The following KCNH4 variants were observed in gnomAD, a reference collection of about 807,000 sequenced individuals.
KCNH4 encodes potassium voltage-gated channel subfamily H member 4, also known as voltage-gated delayed rectifier potassium channel KCNH4.
A neutral mutation model predicts 90.7 loss-of-function variants in KCNH4; 33 were observed. The ratio of observed to expected loss-of-function variants is 0.36; its 90% confidence interval spans 0.28 to 0.49. The LOEUF (loss-of-function observed/expected upper bound fraction) is 0.49. Ranked by LOEUF, KCNH4 falls within the 20% of genes least tolerant of loss-of-function variation. The pLI is 0.98. For synonymous variants in KCNH4, 551 were observed against 581.7 expected, an observed-to-expected ratio of 0.95 and a Z score of 0.76; for missense variants, 1,044 against 1,387.1, an observed-to-expected ratio of 0.75 and a Z score of 3.93.
Position 42,163,685 on chromosome 17 carries a change from T to C in KCNH4, c.2398A>G (p.Arg800Gly). 3 of 1,478,362 alleles carry C rather than the reference T, an allele frequency of 2.0e-6. No homozygotes were observed. The highest frequency in any genetic ancestry group is 2.7e-6 in the Non-Finnish European group (3 of 1,115,664). The allele number at this position is 1,478,362 out of a possible 1,614,324, so 91.6% of individuals were successfully genotyped here. A position where few individuals can be genotyped will look rare whatever the true frequency, so the allele number is the denominator to read the frequency against. The change falls in exon 13 of 17, where the codon AGG becomes GGG. Residue 800 changes from arginine (R) to glycine (G), a missense_variant. Physicochemically the swap from Arg to Gly is moderately radical, Grantham distance 125. Coordinates refer to ENST00000264661, the MANE Select transcript of KCNH4 (RefSeq NM_012285.3). The surrounding 1 kb of genome is among the most constrained non-coding windows in gnomAD (Gnocchi z 5.4). ...GHSASPHGPP[R>G]CSAAWKPPQL... ...GGGGGCTTCCAGGCAGCAGAGCACC[T>C]GGGGGGGCCGTGAGGGGAGGCACTG...
At chr17:42,176,791 A>C (rs1310793021) in intron 4 of KCNH4, among the ~76,000 whole-genome samples, 1 of 151,668 alleles carries the variant, frequency 6.6e-6, no homozygotes, top group Admixed American at 6.6e-5. Context: ...CCAAAGTGCT[A>C]GGATTACAGG....
chr17:42,162,163 C>T, intron 15 of KCNH4, 85 bp downstream of exon 15: 6 of 1,195,724 alleles, frequency 5.0e-6, no homozygotes, highest in Middle Eastern at 3.9e-4. Flanking sequence ...CCAGGCTGGT[C>T]CCAAACTCCT....
Position 42,176,054 on chromosome 17 carries a change from C to T in KCNH4, c.829G>A (p.Asp277Asn). 1 of 1,600,638 alleles carries T rather than the reference C, an allele frequency of 6.2e-7. No individual in the cohort carries two copies. The highest frequency in any genetic ancestry group is 8.5e-7 in the Non-Finnish European group (1 of 1,171,254). Reference sequence around the variant, plus strand: ...GGGTGGGTGAGGCAGAAGGTCTGACCTAGGATGAAGAGCATTTCCACGGCG... The same window carrying T: ...GGGTGGGTGAGGCAGAAGGTCTGACTTAGGATGAAGAGCATTTCCACGGCG... Reference protein sequence around the residue: ...DIAVEMLFILDIILNFRTTYV... With the variant: ...DIAVEMLFILNIILNFRTTYV... Residue 277 changes from aspartate (D) to asparagine (N), a missense_variant and splice_region_variant, in exon 5 of 17, where the codon GAT (aspartate) becomes AAT (asparagine). Transcript: ENST00000264661.
intron 9 of KCNH4, among the ~76,000 whole-genome samples, chr17:42,168,428 G>A (rs1027605559): frequency 7.9e-5 from 12 of 152,140 alleles, no homozygotes; most frequent in African/African-American, 2.9e-4. Context: ...GGTGTATTAC[G>A]ATGTCAAGAG....
At chr17:42,174,082 C>T (rs1399407022) in intron 6 of KCNH4, among the ~76,000 whole-genome samples, 3 of 152,074 alleles carry the variant, frequency 2.0e-5, no homozygotes, top group Admixed American at 6.6e-5. Context: ...CTCATCCTCC[C>T]GAGTAGCTGG....
chr17:42,177,144 G>A (rs938559515), intron 4 of KCNH4, among the ~76,000 whole-genome samples: 8 of 152,038 alleles, frequency 5.3e-5, no homozygotes, highest in Non-Finnish European at 8.8e-5. Flanking sequence ...CCACCTCCCG[G>A]GTTCAAGTGA....
intron 8 of KCNH4, 133 bp from the exon 9 acceptor site, chr17:42,169,809 AG>A: frequency 1.1e-6 from 1 of 881,086 alleles, no homozygotes; most frequent in South Asian, 1.6e-5. Flanking sequence ...CACTAGACTA[AG>A]GGTGGGGAAT....
Position 42,180,949 on chromosome 17 carries a change from C to A in KCNH4, c.-4G>T. On this transcript the variant is annotated 5_prime_UTR_variant, in exon 1 of 17. Coordinates refer to ENST00000264661, the MANE Select transcript of KCNH4 (RefSeq NM_012285.3). This position sits in a 1 kb window ranked among gnomAD's most constrained non-coding sequence, Gnocchi z 4.7. ...GCAACCCCTTCATGACCGGCATGGC[C>A]CCGGGGCGTGGGTTCAAGGCGCGGC... 2 of 1,611,838 alleles carry A rather than the reference C, an allele frequency of 1.2e-6. No individual in the cohort carries two copies. The highest frequency in any genetic ancestry group is 8.5e-7 in the Non-Finnish European group (1 of 1,179,054).
At chr17:42,178,602 A>C in intron 2 of KCNH4, 125 bp from the exon 3 acceptor site, 3 of 1,304,066 alleles carry the variant, frequency 2.3e-6, no homozygotes, top group Non-Finnish European at 3.1e-6. Flanking sequence ...AAGGAACCTC[A>C]GAGATTCTGT....
At chr17:42,162,357 C>T (rs1236836922) in intron 14 of KCNH4, 36 bp from the exon 15 acceptor site, 3 of 1,571,334 alleles carry the variant, frequency 1.9e-6, no homozygotes, top group Non-Finnish European at 2.6e-6. Context: ...GTTCATGGAG[C>T]ATTAATACCT....
chr17:42,164,085 C>T lies in KCNH4; in HGVS notation c.2124+45G>A, dbSNP rs372927433. 3.6e-5 allele frequency: 55 copies of T among 1,545,574 alleles called. 1 individual carries two copies. In the African/African-American group the frequency reaches 6.0e-4, roughly 17 times the overall value. On this transcript the variant is annotated intron_variant, in intron 12 of 16. Transcript: ENST00000264661. ...AGGGGGATGCTGCTACCCATCTCAC[C>T]CTCTCCCCAGGGCAATTCAACCCCA... is the stretch of plus-strand genomic sequence containing the variant.
intron 6 of KCNH4, 47 bp from the exon 7 acceptor site, chr17:42,172,042 G>C: frequency 6.7e-7 from 1 of 1,494,276 alleles, no homozygotes; most frequent in Non-Finnish European, 9.1e-7. Flanking sequence ...CACCTCCTCC[G>C]AGCCCTCAGA....
chr17:42,175,452 G>T, intron 6 of KCNH4, 127 bp downstream of exon 6: 2 of 1,091,872 alleles, frequency 1.8e-6, no homozygotes, highest in Non-Finnish European at 2.8e-6. Context: ...CAGAGCAGGT[G>T]CCTGATAAAT....
intron 8 of KCNH4, 25 bp from the exon 9 acceptor site, chr17:42,169,701 CA>C: frequency 1.2e-6 from 2 of 1,608,472 alleles, no homozygotes; most frequent in Non-Finnish European, 1.7e-6. Context: ...GCGGGCCTGT[CA>C]GGGGCGGCCA....
In KCNH4 at chr17:42,163,371, G is replaced by A. The variant is rs1266299339; in HGVS notation, c.2478-37C>T. The A allele has an allele frequency of 4.1e-6, 6 of 1,479,100 alleles. No individual in the cohort carries two copies. Among genetic ancestry groups the A allele is most frequent in the Non-Finnish European group, 5.7e-6 (6 of 1,059,748 alleles). 91.6% of individuals were successfully genotyped at this position (1,479,100 alleles called of 1,614,324 possible). On this transcript the variant is annotated intron_variant, in intron 13 of 16. Coordinates refer to ENST00000264661, the MANE Select transcript of KCNH4 (RefSeq NM_012285.3). This position sits in a 1 kb window ranked among gnomAD's most constrained non-coding sequence, Gnocchi z 5.4. Reference sequence around the variant, plus strand: ...GCAGTGCTCATCAGCACCATGGGGTGAGGGTAAGGGCCAGAGCAGAGCAGA... The same window carrying A: ...GCAGTGCTCATCAGCACCATGGGGTAAGGGTAAGGGCCAGAGCAGAGCAGA...
At chr17:42,176,385 A>G in intron 4 of KCNH4, 88 bp from the exon 5 acceptor site, 1 of 1,317,210 alleles carries the variant, frequency 7.6e-7, no homozygotes, top group Non-Finnish European at 1.1e-6. Context: ...GGGGAAAGTT[A>G]GCAGGTGGGC....
chr17:42,161,174 C>T (rs1000385284), intron 15 of KCNH4, among the ~76,000 whole-genome samples: 2 of 152,082 alleles, frequency 1.3e-5, no homozygotes, highest in African/African-American at 4.8e-5. Context: ...GTGATCCACC[C>T]ACCTTAGCCT....
chr17:42,166,360 G>A lies in KCNH4; in HGVS notation c.1777C>T (p.His593Tyr), dbSNP rs1279568731. Reference sequence around the variant, plus strand: ...AGCGAGCCGGAGCAGACATAGTAATGTGCCTGCAGGGCATCCCCACGGCGC... The same window carrying A: ...AGCGAGCCGGAGCAGACATAGTAATATGCCTGCAGGGCATCCCCACGGCGC... ...LLRRGDALQAHYYVCSGSLEV... is the reference protein window; with the variant it reads ...LLRRGDALQAYYYVCSGSLEV... Residue 593 changes from histidine to tyrosine, a missense_variant, in exon 10 of 17, where the codon CAT (histidine) becomes TAT (tyrosine). Around this residue, in one of 4 missense-constraint regions of KCNH4, gnomAD observed 318 missense variants for 479.6 expected, o/e 0.66. Transcript: ENST00000264661. 1.9e-6 allele frequency: 3 copies of A among 1,613,468 alleles called. No homozygotes were observed. Among genetic ancestry groups the A allele is most frequent in the Admixed American group, 1.7e-5 (1 of 59,926 alleles).
chr17:42,169,593 T>C lies in KCNH4; in HGVS notation c.1474A>G (p.Met492Val), dbSNP rs779100483. 3.1e-6 allele frequency: 5 copies of C among 1,614,058 alleles called. No individual in the cohort carries two copies. The highest frequency in any genetic ancestry group is 1.7e-5 in the Admixed American group (1 of 60,036). The part of the protein sequence containing the change: ...YSRRSLYHSR[M>V]KDLKDFIRVH... ...CGGATGAAGTCCTTGAGGTCCTTCA[T>C]GCGGCTGTGGTAGAGCGAGCGGCGC... is the stretch of plus-strand genomic sequence containing the variant. The change falls in exon 9 of 17, where the codon ATG becomes GTG. Residue 492 changes from methionine to valine, a missense_variant. By Grantham distance (21) the Met-to-Val change is conservative. Coordinates refer to ENST00000264661, the MANE Select transcript of KCNH4 (RefSeq NM_012285.3).
Sources: gnomAD v4.1 joint callset for allele counts (sites outside exome capture counted in the v4.1 genomes callset) on GRCh38, gnomAD v4.1.1 for gene constraint, gnomAD v4.1.1 regional missense constraint, Gnocchi (gnomAD v3.1) non-coding constraint, MANE v1.5 for transcripts, NCBI Gene and HGNC (gene_info 2026-07-23, HGNC 2026-07-21) for gene names.